Variants in MORC1 observed in about 807,000 individuals in gnomAD.
The protein encoded by MORC1 is MORC family CW-type zinc finger protein 1.
Under a neutral mutation model 134.9 loss-of-function variants are expected in MORC1, and 59 were observed. That is an observed-to-expected ratio of 0.44 (90% confidence interval 0.35 to 0.54). The LOEUF (loss-of-function observed/expected upper bound fraction) is 0.54. Ranked by LOEUF, MORC1 falls within the 20% of genes least tolerant of loss-of-function variation. MORC1 has a pLI of 0.00. For missense variants in MORC1, 947 were observed against 1,134.5 expected, an observed-to-expected ratio of 0.83 and a Z score of 2.37; for synonymous variants, 395 against 391.7, an observed-to-expected ratio of 1.01 and a Z score of -0.10.
At chr3:108,996,132 T>A (rs908135685) in intron 21 of MORC1, among the ~76,000 whole-genome samples, 2 of 151,758 alleles carry the variant, frequency 1.3e-5, no homozygotes, top group African/African-American at 4.8e-5. Context: ...AAAATAGGGG[T>A]GAAAAGAATA....
intron 13 of MORC1, among the ~76,000 whole-genome samples, chr3:109,056,526 C>T (rs1266415397): frequency 6.6e-6 from 1 of 152,142 alleles, no homozygotes; most frequent in African/African-American, 2.4e-5. Context: ...TGAGCCCAGC[C>T]ATAATCTAGG....
chr3:108,973,878 G>A (rs373184961), intron 24 of MORC1, among the ~76,000 whole-genome samples: 4 of 152,068 alleles, frequency 2.6e-5, no homozygotes, highest in Non-Finnish European at 2.9e-5. Flanking sequence ...TTACAGTCGT[G>A]AGCCACCGCA....
At chr3:109,051,712 T>C (rs1949835291) in intron 14 of MORC1, among the ~76,000 whole-genome samples, 1 of 152,164 alleles carries the variant, frequency 6.6e-6, no homozygotes, top group Non-Finnish European at 1.5e-5. Flanking sequence ...TATATTTATT[T>C]CAAACCCTAT....
rs533887697 is a variant in MORC1, at chr3:108,961,400, C to A, written c.2799+2014G>T. On this transcript the variant is annotated intron_variant, in intron 27 of 27. Coordinates refer to ENST00000232603, the MANE Select transcript of MORC1 (RefSeq NM_014429.4). ...TGAAGAATGCCCTGTGACCCTGACA[C>A]AAAGCACTTCTCGTCCTGTTAGATA... Among the ~76,000 whole-genome samples, 8 of 152,302 alleles carry A rather than the reference C, an allele frequency of 5.3e-5. No homozygotes were observed. In the East Asian group the frequency reaches 1.5e-3, roughly 29 times the overall value.
intron 7 of MORC1, among the ~76,000 whole-genome samples, chr3:109,094,060 T>C (rs1022599392): frequency 1.8e-4 from 28 of 152,202 alleles, no homozygotes; most frequent in African/African-American, 6.8e-4. Context: ...GTTGCAACTA[T>C]TCACAATGTA....
chr3:109,107,066 A>G (rs72937307), intron 3 of MORC1, among the ~76,000 whole-genome samples: 2,032 of 152,142 alleles, frequency 0.013, 29 homozygotes, highest in African/African-American at 0.036. Flanking sequence ...AAACATCTCA[A>G]ACATTTTTTC....
At chr3:108,999,045 T>C (rs538375871) in intron 21 of MORC1, among the ~76,000 whole-genome samples, 2 of 152,320 alleles carry the variant, frequency 1.3e-5, no homozygotes, top group South Asian at 4.1e-4. Context: ...ACAGTAATAT[T>C]CACAGGTACA....
chr3:109,113,515 T>C (rs751356490), intron 2 of MORC1, among the ~76,000 whole-genome samples: 9 of 152,164 alleles, frequency 5.9e-5, no homozygotes, highest in Admixed American at 1.3e-4. Flanking sequence ...TATCAACCAG[T>C]GGCAGGGAAT....
intron 14 of MORC1, among the ~76,000 whole-genome samples, chr3:109,048,080 C>G (rs1949737293): frequency 6.6e-6 from 1 of 152,122 alleles, no homozygotes; most frequent in South Asian, 2.1e-4. Flanking sequence ...TTGAACTACT[C>G]CTAGTAATGC....
chr3:109,037,671 C>T (rs1398878828), intron 14 of MORC1, among the ~76,000 whole-genome samples: 1 of 152,164 alleles, frequency 6.6e-6, no homozygotes, highest in East Asian at 1.9e-4. Context: ...CAATTCCCAC[C>T]TATGAGTGAG....
chr3:109,099,941 T>C (rs762232429), intron 5 of MORC1, among the ~76,000 whole-genome samples: 24 of 152,210 alleles, frequency 1.6e-4, no homozygotes, highest in Non-Finnish European at 2.6e-4. Context: ...TAAAATGTTG[T>C]AAAGATAAAA....
At chr3:109,049,292 A>G (rs909137790) in intron 14 of MORC1, 4 of 231,084 alleles carry the variant, frequency 1.7e-5, no homozygotes, top group Non-Finnish European at 2.9e-5. Flanking sequence ...ATATTCATGT[A>G]ACAAATATTA....
intron 9 of MORC1, among the ~76,000 whole-genome samples, chr3:109,067,014 A>T (rs4450821): frequency 2.0e-5 from 3 of 152,154 alleles, no homozygotes; most frequent in Non-Finnish European, 4.4e-5. Context: ...CTAGTCTGAT[A>T]GGTGGGTGGG....
chr3:108,992,517 C>T (rs1172631672), intron 21 of MORC1, among the ~76,000 whole-genome samples: 1 of 152,150 alleles, frequency 6.6e-6, no homozygotes, highest in East Asian at 1.9e-4. Context: ...CTGGACCCTA[C>T]AGCAGCCTTG....
Position 108,979,652 on chromosome 3 carries a change from C to A in MORC1, c.2340G>T (p.Pro780=), listed in dbSNP as rs75923723. ...LPSWKSLLNV[P]MEDVNLSSGH... is the part of the protein sequence containing the mutation. Reference sequence around the variant, plus strand: ...CAGAACTTAGATTCACATCTTCCATCGGCACATTGAGCAAGCTGAGGTTTG... The same window carrying A: ...CAGAACTTAGATTCACATCTTCCATAGGCACATTGAGCAAGCTGAGGTTTG... The change falls in exon 24 of 28, where the codon CCG becomes CCT. Residue 780 remains proline (P), a synonymous_variant. Coordinates refer to ENST00000232603, the MANE Select transcript of MORC1 (RefSeq NM_014429.4). The A allele has an allele frequency of 3.8e-5, 61 of 1,613,632 alleles. 2 individuals are homozygous for A. The African/African-American group carries it at 4.9e-4, about 13-fold the overall frequency.
At chr3:109,032,351 C>T (rs6795056) in intron 16 of MORC1, among the ~76,000 whole-genome samples, 64,267 of 151,960 alleles carry the variant, frequency 0.42, 14,296 homozygotes, top group Middle Eastern at 0.55. Context: ...AAAAAGCATA[C>T]GGTCTAACAG....
In MORC1 at chr3:109,040,485, A is replaced by AAAGAAAGAAAGGAAGG. The variant is rs61499269; in HGVS notation, c.1331-5018_1331-5017insCCTTCCTTTCTTTCTT. ...GAAAGAAAGAAAGAAAGAAAGAAAG[A>AAAGAAAGAAAGGAAGG]AAGGAAAGAAAAGAAAGGAAGGAAG... On this transcript the variant is annotated intron_variant, in intron 14 of 27. Coordinates refer to ENST00000232603, the MANE Select transcript of MORC1 (RefSeq NM_014429.4). Among the ~76,000 whole-genome samples, 85 of 114,592 alleles carry AAAGAAAGAAAGGAAGG rather than the reference A, an allele frequency of 7.4e-4. 1 individual carries two copies. Among genetic ancestry groups the AAAGAAAGAAAGGAAGG allele is most frequent in the South Asian group, 5.6e-3 (18 of 3,236 alleles). The allele number at this position is 114,592 out of a possible 152,430, so 75.2% of individuals were successfully genotyped here.
chr3:109,051,373 T>A (rs1949823414), intron 14 of MORC1, among the ~76,000 whole-genome samples: 1 of 152,250 alleles, frequency 6.6e-6, no homozygotes, highest in Admixed American at 6.5e-5. Flanking sequence ...GTGTGCCCTG[T>A]AATACTGGTT....
intron 27 of MORC1, among the ~76,000 whole-genome samples, chr3:108,961,202 G>A (rs376424356): frequency 6.6e-6 from 1 of 152,134 alleles, no homozygotes; most frequent in East Asian, 1.9e-4. Flanking sequence ...CCTCGCCTCT[G>A]CATCTTTTCT....
Sources: allele counts gnomAD v4.1 joint callset (sites outside exome capture counted in the v4.1 genomes callset), GRCh38; gene constraint gnomAD v4.1.1; transcripts MANE v1.5; gene names NCBI Gene and HGNC (gene_info 2026-07-23, HGNC 2026-07-21).